OPCML: variants seen among roughly 807,000 people sequenced by gnomAD.
The protein encoded by OPCML is opioid binding protein/cell adhesion molecule like, also known as opioid-binding protein/cell adhesion molecule.
A neutral mutation model predicts 37.8 loss-of-function variants in OPCML; 13 were observed. The observed-to-expected ratio is 0.34, with a 90% confidence interval of 0.22 to 0.55. OPCML has a LOEUF of 0.55. Among genes scored for constraint, OPCML ranks in the 20% least tolerant of loss-of-function variants. OPCML has a pLI of 0.91. For missense variants in OPCML, 341 were observed against 435.6 expected (o/e 0.78, Z 1.93); for synonymous variants, 176 against 168.8 (o/e 1.04, Z -0.33).
Position 132,934,530 on chromosome 11 carries a change from C to T in OPCML, c.146+8396G>A, listed in dbSNP as rs189182218. ...AGAAGAGGCTCTCAAATCCCAGAAACTCAAAAGTAGGGCCCAGGCATTCTT... is the reference window on the plus strand; with the variant it reads ...AGAAGAGGCTCTCAAATCCCAGAAATTCAAAAGTAGGGCCCAGGCATTCTT... On this transcript the variant is annotated intron_variant, in intron 2 of 7. Transcript: ENST00000524381. 2.6e-5 allele frequency among the ~76,000 whole-genome samples: 4 copies of T among 152,274 alleles called. No homozygotes were observed. In the East Asian group the frequency reaches 7.7e-4, roughly 29 times the overall value.
chr11:133,204,850 T>TTTTA (rs1416561161), intron 1 of OPCML, among the ~76,000 whole-genome samples: 1 of 123,622 alleles, frequency 8.1e-6, no homozygotes, highest in African/African-American at 2.9e-5. Flanking sequence ...TTGTGATCTA[T>TTTTA]TATATATATA....
chr11:132,529,084 G>T lies in OPCML; in HGVS notation c.482C>A (p.Thr161Lys). 1.9e-6 allele frequency: 3 copies of T among 1,613,088 alleles called. No individual in the cohort carries two copies. The highest frequency in any genetic ancestry group is 1.7e-6 in the Non-Finnish European group (2 of 1,179,332). Residue 161 changes from threonine (T) to lysine (K), a missense_variant, in exon 4 of 8, where the codon ACA becomes AAA. Thr to Lys is a moderately conservative substitution (Grantham distance 78). Transcript: ENST00000524381. ...ACCCTTGACTGACAGGTGTCTCCAT[G>T]TCACAGTTGGCTCTGGTCTGCCAAT... Reference protein sequence around the residue: ...LAIGRPEPTVTWRHLSVKEGQ... With the variant: ...LAIGRPEPTVKWRHLSVKEGQ...
chr11:133,210,385 C>T (rs1055712381), intron 1 of OPCML, among the ~76,000 whole-genome samples: 6 of 152,090 alleles, frequency 3.9e-5, no homozygotes, highest in African/African-American at 9.7e-5. Flanking sequence ...CTCTTTCTCC[C>T]GCCAGCCCCT....
rs954678249 is a variant in OPCML, at chr11:133,439,518, A to G, written c.61+92746T>C. ...AGTCTCACTCTGTCGCCCAGGCTGG[A>G]GTGCAGTGGCTCCATCTCTGCTCAC... On this transcript the variant is annotated intron_variant, in intron 1 of 7. Coordinates refer to ENST00000524381, the MANE Select transcript of OPCML (RefSeq NM_001012393.5). 3.7e-5 allele frequency: 31 copies of G among 829,100 alleles called. No individual in the cohort carries two copies. In the South Asian group the frequency reaches 1.5e-3, roughly 40 times the overall value. The allele number at this position is 829,100 out of a possible 1,614,324, so 51.4% of individuals were successfully genotyped here.
intron 7 of OPCML, among the ~76,000 whole-genome samples, chr11:132,431,005 G>A (rs1160323612): frequency 2.0e-5 from 3 of 152,192 alleles, no homozygotes; most frequent in Non-Finnish European, 4.4e-5. Flanking sequence ...ACAGAGCTGT[G>A]GTCAGCAAGC....
chr11:133,287,374 C>T (rs757874541), intron 1 of OPCML, among the ~76,000 whole-genome samples: 6 of 147,896 alleles, frequency 4.1e-5, no homozygotes, highest in Non-Finnish European at 8.9e-5. Flanking sequence ...GGCCTCCCGA[C>T]GTGCTGGGAT....
At chr11:133,345,262 G>A (rs374751005) in intron 1 of OPCML, among the ~76,000 whole-genome samples, 1 of 152,208 alleles carries the variant, frequency 6.6e-6, no homozygotes, top group Non-Finnish European at 1.5e-5. Context: ...CCCACTAGGT[G>A]TTCAAAGGGT....
At chr11:133,377,524 C>T (rs1057098286) in intron 1 of OPCML, among the ~76,000 whole-genome samples, 1 of 149,194 alleles carries the variant, frequency 6.7e-6, no homozygotes, top group African/African-American at 2.5e-5. Context: ...GCACAGGCCC[C>T]AGCAGCTGTG....
At chr11:132,424,132 T>G (rs1171214212) in intron 7 of OPCML, among the ~76,000 whole-genome samples, 1 of 151,990 alleles carries the variant, frequency 6.6e-6, no homozygotes, top group Non-Finnish European at 1.5e-5. Flanking sequence ...CAGTTTTTTT[T>G]TTTTTTAGAT....
chr11:132,886,887 C>A (rs1239131473), intron 2 of OPCML, among the ~76,000 whole-genome samples: 1 of 152,150 alleles, frequency 6.6e-6, no homozygotes, highest in Non-Finnish European at 1.5e-5. Flanking sequence ...AGAACGCCAT[C>A]GTGCCCCGCT....
At chr11:132,511,420 G>T (rs1034804184) in intron 4 of OPCML, among the ~76,000 whole-genome samples, 100 of 151,934 alleles carry the variant, frequency 6.6e-4, no homozygotes, top group African/African-American at 2.4e-3. Flanking sequence ...TTGTCAAACC[G>T]ATTATAAAAT....
At chr11:132,779,749 C>T (rs1946934729) in intron 2 of OPCML, among the ~76,000 whole-genome samples, 1 of 152,104 alleles carries the variant, frequency 6.6e-6, no homozygotes, top group South Asian at 2.1e-4. Context: ...AAATAGGGAG[C>T]AGTGGCAGAC....
chr11:132,618,310 T>C (rs911090834), intron 3 of OPCML, among the ~76,000 whole-genome samples: 2 of 152,146 alleles, frequency 1.3e-5, no homozygotes, highest in Non-Finnish European at 2.9e-5. Flanking sequence ...TCTTCAAAAA[T>C]ACTGGCCAAC....
At position 133,140,940 on chromosome 11, in the gene OPCML, A is replaced by AAGAC. The variant is rs1565468633; in HGVS notation, c.62-197931_62-197930insGTCT. 5.4e-3 allele frequency among the ~76,000 whole-genome samples: 87 copies of AAGAC among 16,206 alleles called. 8 individuals carry two copies. Among genetic ancestry groups the AAGAC allele is most frequent in the African/African-American group, 0.012 (86 of 7,034 alleles). 10.6% of individuals were successfully genotyped at this position (16,206 alleles called of 152,430 possible). On this transcript the variant is annotated intron_variant, in intron 1 of 7. Coordinates refer to ENST00000524381, the MANE Select transcript of OPCML (RefSeq NM_001012393.5). Reference sequence around the variant, plus strand: ...AAGAAGACGACGACGACGAAGAAGAAGAAGACGACGAAGAAGAAGAAGAAG... The same window carrying AAGAC: ...AAGAAGACGACGACGACGAAGAAGAAAGACGAAGACGACGAAGAAGAAGAAGAAG...
Position 132,931,652 on chromosome 11 carries a change from C to G in OPCML, c.146+11274G>C, listed in dbSNP as rs930343062. On this transcript the variant is annotated intron_variant, in intron 2 of 7. Transcript: ENST00000524381. ...TCACTATTAATGAAAATAATAGAAA[C>G]AGAAAATAAGTGTTGGCAAGAAGGT... Among the ~76,000 whole-genome samples the G allele has an allele frequency of 6.6e-5, 10 of 152,198 alleles. No individual in the cohort carries two copies. The South Asian group carries it at 1.7e-3, about 25-fold the overall frequency.
intron 1 of OPCML, among the ~76,000 whole-genome samples, chr11:133,390,858 C>T (rs1245315397): frequency 2.0e-5 from 3 of 152,124 alleles, no homozygotes; most frequent in Non-Finnish European, 2.9e-5. Flanking sequence ...AACTATAGGC[C>T]CCTCCATTCC....
At chr11:132,465,026 T>C (rs1182373506) in intron 4 of OPCML, among the ~76,000 whole-genome samples, 1 of 152,220 alleles carries the variant, frequency 6.6e-6, no homozygotes, top group Non-Finnish European at 1.5e-5. Flanking sequence ...ATGCTTATTA[T>C]TTTTTAACTT....
intron 1 of OPCML, among the ~76,000 whole-genome samples, chr11:133,430,316 A>G (rs552334569): frequency 1.3e-5 from 2 of 152,348 alleles, no homozygotes; most frequent in South Asian, 4.1e-4. Flanking sequence ...GCATTGCTTT[A>G]AAGGGAAACA....
chr11:132,505,085 A>G (rs539934158), intron 4 of OPCML, among the ~76,000 whole-genome samples: 1 of 152,260 alleles, frequency 6.6e-6, no homozygotes, highest in South Asian at 2.1e-4. Context: ...GAAGCTAGAG[A>G]CTGTGAAATA....
Sources: gnomAD v4.1 joint callset for allele counts (sites outside exome capture counted in the v4.1 genomes callset) on GRCh38, gnomAD v4.1.1 for gene constraint, MANE v1.5 for transcripts, NCBI Gene and HGNC (gene_info 2026-07-23, HGNC 2026-07-21) for gene names.